DAB1: variants seen among roughly 807,000 people sequenced by gnomAD.
The protein encoded by DAB1 is DAB adaptor protein 1, also known as disabled homolog 1.
In DAB1, 15 loss-of-function variants were observed where a neutral mutation model predicts 64.6. The observed-to-expected ratio is 0.23, with a 90% CI of 0.16 to 0.36. DAB1 has a LOEUF of 0.36. DAB1 is among the 10% of genes least tolerant of loss of function. The pLI, the probability that DAB1 is intolerant of heterozygous loss-of-function variation, is 1.00. For synonymous variants in DAB1, 235 were observed against 251.9 expected, an observed-to-expected ratio of 0.93 and a Z score of 0.64; for missense variants, 596 against 706.7, an observed-to-expected ratio of 0.84 and a Z score of 1.78.
intron 3 of DAB1, among the ~76,000 whole-genome samples, chr1:58,494,593 C>A: frequency 6.6e-6 from 1 of 152,046 alleles, no homozygotes; most frequent in Non-Finnish European, 1.5e-5. Flanking sequence ...ACAACCCCAT[C>A]AAAAAGTGGG....
intron 1 of DAB1, among the ~76,000 whole-genome samples, chr1:57,297,526 A>G (rs1673299407): frequency 6.6e-6 from 1 of 152,090 alleles, no homozygotes; most frequent in Non-Finnish European, 1.5e-5. Flanking sequence ...GTGTGAATAT[A>G]TATATATGTA....
chr1:58,099,153 C>T (rs530532964), intron 5 of DAB1, among the ~76,000 whole-genome samples: 1 of 152,250 alleles, frequency 6.6e-6, no homozygotes, highest in South Asian at 2.1e-4. Flanking sequence ...GCCATGTTCC[C>T]ACTATAGTTC....
At chr1:57,019,964 A>G (rs975992282) in intron 11 of DAB1, among the ~76,000 whole-genome samples, 1 of 152,218 alleles carries the variant, frequency 6.6e-6, no homozygotes, top group African/African-American at 2.4e-5. Context: ...AAACGAAGGA[A>G]CTCCTCCAAC....
intron 7 of DAB1, among the ~76,000 whole-genome samples, chr1:57,497,739 G>A (rs2000140): frequency 0.18 from 27,490 of 152,148 alleles, 2,735 homozygotes; most frequent in Non-Finnish European, 0.23. Flanking sequence ...GCAGAGGGCC[G>A]GTTTCATATG....
At chr1:57,723,397 A>G (rs1333578870) in intron 6 of DAB1, among the ~76,000 whole-genome samples, 1 of 152,196 alleles carries the variant, frequency 6.6e-6, no homozygotes, top group Non-Finnish European at 1.5e-5. Flanking sequence ...CCTGTTTCAC[A>G]GCCTTATGCC....
rs147471879 is a variant in DAB1, at chr1:58,208,264, G to A, written n.310-57676C>T. 1.6e-3 allele frequency among the ~76,000 whole-genome samples: 239 copies of A among 152,272 alleles called. 1 individual carries two copies. The highest frequency in any genetic ancestry group is 3.7e-3 in the African/African-American group (155 of 41,554). On this transcript the variant is annotated intron_variant and non_coding_transcript_variant, in intron 4 of 20. Coordinates refer to the DAB1 transcript ENST00000485760. ...ATTCAATCTCAGGCTACATTTTAGAGTTAAAACTTCTTTTCTTTTTTTTAG... is the reference window on the plus strand; with the variant it reads ...ATTCAATCTCAGGCTACATTTTAGAATTAAAACTTCTTTTCTTTTTTTTAG...
chr1:58,144,972 CAA>C (rs1654507829), intron 5 of DAB1, among the ~76,000 whole-genome samples: 1 of 152,124 alleles, frequency 6.6e-6, no homozygotes, highest in Admixed American at 6.5e-5. Context: ...AGAAGAATAA[CAA>C]ATAAGTGCTA....
At chr1:57,842,860 T>C (rs996569407) in intron 1 of DAB1, among the ~76,000 whole-genome samples, 1 of 152,200 alleles carries the variant, frequency 6.6e-6, no homozygotes, top group Non-Finnish European at 1.5e-5. Flanking sequence ...ACCTTAAGTG[T>C]GCTCAGAACA....
At chr1:57,501,293 G>C (rs1048949681) in intron 7 of DAB1, among the ~76,000 whole-genome samples, 2 of 152,226 alleles carry the variant, frequency 1.3e-5, no homozygotes, top group Admixed American at 6.5e-5. Flanking sequence ...CCATCAGGGA[G>C]AATGGAGGTA....
Position 57,804,476 on chromosome 1 carries a change from G to A in DAB1, n.551+79523C>T, listed in dbSNP as rs7521512. On this transcript the variant is annotated intron_variant and non_coding_transcript_variant, in intron 6 of 20. Coordinates refer to the DAB1 transcript ENST00000485760. ...AGAAGCACACTGGGTTGAGCCTGGG[G>A]TTCAATACTTCCTGAACTTCTACCC... Among the ~76,000 whole-genome samples, 401 of 152,210 alleles carry A rather than the reference G, an allele frequency of 2.6e-3. 1 individual carries two copies. Among genetic ancestry groups the A allele is most frequent in the African/African-American group, 9.1e-3 (376 of 41,520 alleles).
At chr1:58,235,789 G>A (rs905793799) in intron 4 of DAB1, among the ~76,000 whole-genome samples, 5 of 152,166 alleles carry the variant, frequency 3.3e-5, no homozygotes, top group African/African-American at 9.7e-5. Context: ...GGGCAGCTTG[G>A]TCCTTATTCA....
intron 3 of DAB1, among the ~76,000 whole-genome samples, chr1:58,441,932 A>G (rs1021968830): frequency 6.6e-6 from 1 of 152,194 alleles, no homozygotes; most frequent in East Asian, 1.9e-4. Context: ...CTGTCACACG[A>G]AAGAGACCGA....
chr1:58,079,876 A>G (rs1649888596), intron 5 of DAB1: 2 of 152,124 alleles, frequency 1.3e-5, no homozygotes, highest in Admixed American at 6.6e-5. Flanking sequence ...TAAAACCTCT[A>G]TAAGGTCAGG....
intron 1 of DAB1, among the ~76,000 whole-genome samples, chr1:57,422,412 C>A (rs78255678): frequency 0.011 from 1,644 of 152,252 alleles, 38 homozygotes; most frequent in African/African-American, 0.037. Flanking sequence ...CGGAGAAAGG[C>A]GCTCTCGCTA....
chr1:58,333,316 T>C lies in DAB1; in HGVS notation n.309+10036A>G, dbSNP rs546164855. 2.0e-4 allele frequency among the ~76,000 whole-genome samples: 30 copies of C among 151,796 alleles called. No individual in the cohort carries two copies. The South Asian group carries it at 6.3e-3, about 32-fold the overall frequency. On this transcript the variant is annotated intron_variant and non_coding_transcript_variant, in intron 4 of 20. Coordinates refer to the DAB1 transcript ENST00000485760. The stretch of plus-strand genomic sequence containing the variant: ...AAGATGGTGGCTCCTGTAGACCATA[T>C]AGGGGCAGTAGGGGAAAGGGAAAGA...
chr1:57,332,715 C>T (rs890220760), intron 1 of DAB1, among the ~76,000 whole-genome samples: 2 of 152,172 alleles, frequency 1.3e-5, no homozygotes, highest in East Asian at 3.9e-4. Flanking sequence ...GGCAGGGCTT[C>T]TTACCCATGC....
At chr1:57,890,807 C>T (rs749244353) in intron 5 of DAB1, among the ~76,000 whole-genome samples, 1 of 151,988 alleles carries the variant, frequency 6.6e-6, no homozygotes, top group Non-Finnish European at 1.5e-5. Context: ...CAAATATTAC[C>T]CTGCGTAAAA....
intron 4 of DAB1, among the ~76,000 whole-genome samples, chr1:57,074,112 C>T (rs1266090214): frequency 2.0e-5 from 3 of 149,872 alleles, no homozygotes; most frequent in Non-Finnish European, 4.4e-5. Flanking sequence ...TCAAGCGATC[C>T]ACCTGCCTTG....
chr1:58,515,589 T>C (rs1413472378), intron 2 of DAB1, among the ~76,000 whole-genome samples: 1 of 152,210 alleles, frequency 6.6e-6, no homozygotes, highest in Non-Finnish European at 1.5e-5. Flanking sequence ...GTATGCATTA[T>C]GAAAGTTACT....
Sources: allele counts gnomAD v4.1 joint callset (sites outside exome capture counted in the v4.1 genomes callset), GRCh38; gene constraint gnomAD v4.1.1; transcripts MANE v1.5; gene names NCBI Gene and HGNC (gene_info 2026-07-23, HGNC 2026-07-21).